EPHA6: variants seen among roughly 807,000 people sequenced by gnomAD.
The protein encoded by EPHA6 is ephrin type-A receptor 6.
Under a neutral mutation model 112.0 loss-of-function variants are expected in EPHA6, and 50 were observed. That is an observed-to-expected ratio of 0.45 (90% CI 0.36 to 0.56). The LOEUF (loss-of-function observed/expected upper bound fraction) is 0.56, where lower values mean the gene tolerates loss of function less well. EPHA6 is among the 20% of genes least tolerant of loss of function. The pLI is 0.00. For synonymous variants in EPHA6, 529 were observed against 490.7 expected, an observed-to-expected ratio of 1.08 and a Z score of -1.03; for missense variants, 1,280 against 1,417.4, an observed-to-expected ratio of 0.90 and a Z score of 1.56.
rs1230432003 is a variant in EPHA6, at chr3:97,749,447, T to C, written c.*746T>C. Among the ~76,000 whole-genome samples the C allele has an allele frequency of 6.6e-6, 1 of 152,154 alleles. No individual in the cohort carries two copies. Among genetic ancestry groups the C allele is most frequent in the Non-Finnish European group, 1.5e-5 (1 of 68,024 alleles). Reference sequence around the variant, plus strand: ...TCACCTCTAATTTTATTTATTTATTTATTTATTTTTACTAACCGTAGTATA... The same window carrying C: ...TCACCTCTAATTTTATTTATTTATTCATTTATTTTTACTAACCGTAGTATA... On this transcript the variant is annotated 3_prime_UTR_variant, in exon 18 of 18. Transcript: ENST00000389672.
rs2090463686 is a variant in EPHA6, at chr3:97,449,744, G to C, written c.1894+1014G>C. Among the ~76,000 whole-genome samples the C allele has an allele frequency of 4.6e-5, 7 of 152,120 alleles. No individual in the cohort carries two copies. The South Asian group carries it at 1.2e-3, about 27-fold the overall frequency. On this transcript the variant is annotated intron_variant, in intron 7 of 17. Coordinates refer to ENST00000389672, the MANE Select transcript of EPHA6 (RefSeq NM_001080448.3). Reference sequence around the variant, plus strand: ...GAAATGGAAGCGTGTTTTATTGAAAGGCCTATGCTGTTAGCTACTCCACCA... The same window carrying C: ...GAAATGGAAGCGTGTTTTATTGAAACGCCTATGCTGTTAGCTACTCCACCA...
At chr3:97,163,145 G>T (rs908478717) in intron 3 of EPHA6, among the ~76,000 whole-genome samples, 1 of 151,946 alleles carries the variant, frequency 6.6e-6, no homozygotes, top group African/African-American at 2.4e-5. Flanking sequence ...ATGTCTTCTG[G>T]ACTCTCCCAT....
rs116340124 is a variant in EPHA6, at chr3:96,944,225, A to T, written c.451-43105A>T. On this transcript the variant is annotated intron_variant, in intron 2 of 17. Coordinates refer to ENST00000389672, the MANE Select transcript of EPHA6 (RefSeq NM_001080448.3). Reference sequence around the variant, plus strand: ...TAACACTCACATTGTCTACTTTAAAACTTAATGTTAAACCCTCATCTTACA... The same window carrying T: ...TAACACTCACATTGTCTACTTTAAATCTTAATGTTAAACCCTCATCTTACA... 5.3e-3 allele frequency among the ~76,000 whole-genome samples: 803 copies of T among 152,250 alleles called. 7 individuals carry two copies. Among genetic ancestry groups the T allele is most frequent in the African/African-American group, 0.019 (784 of 41,552 alleles).
intron 5 of EPHA6, among the ~76,000 whole-genome samples, chr3:97,339,765 T>C (rs1365091848): frequency 1.3e-5 from 2 of 152,174 alleles, no homozygotes; most frequent in African/African-American, 4.8e-5. Context: ...AAATAGAAGT[T>C]TGCAGTAGCT....
At chr3:96,834,038 C>A (rs1177681621) in intron 1 of EPHA6, among the ~76,000 whole-genome samples, 1 of 151,942 alleles carries the variant, frequency 6.6e-6, no homozygotes, top group African/African-American at 2.4e-5. Flanking sequence ...ATCAATTATA[C>A]ATTTGTATAA....
intron 3 of EPHA6, among the ~76,000 whole-genome samples, chr3:97,119,831 T>C (rs899691407): frequency 1.3e-5 from 2 of 152,016 alleles, no homozygotes; most frequent in African/African-American, 4.8e-5. Context: ...CTTGTTTTTG[T>C]ACTCTTCCTC....
chr3:97,398,306 A>G (rs938832458), intron 5 of EPHA6, among the ~76,000 whole-genome samples: 1 of 151,508 alleles, frequency 6.6e-6, no homozygotes, highest in African/African-American at 2.4e-5. Flanking sequence ...TAATGAATTG[A>G]TATGTTTAAA....
chr3:97,350,553 G>A (rs2083757429), intron 5 of EPHA6, among the ~76,000 whole-genome samples: 1 of 152,128 alleles, frequency 6.6e-6, no homozygotes, highest in Non-Finnish European at 1.5e-5. Flanking sequence ...AGTATTTTGT[G>A]TAGAGCAGAT....
chr3:97,633,096 G>A lies in EPHA6; in HGVS notation c.2575-4777G>A, dbSNP rs138711899. ...GATTGGGTTACCACATAGACAATGC[G>A]ACATGTCATTTACTGCTCAGATCTG... On this transcript the variant is annotated intron_variant, in intron 13 of 17. Coordinates refer to ENST00000389672, the MANE Select transcript of EPHA6 (RefSeq NM_001080448.3). 2.3e-3 allele frequency among the ~76,000 whole-genome samples: 348 copies of A among 152,162 alleles called. 3 individuals are homozygous for A. Among genetic ancestry groups the A allele is most frequent in the African/African-American group, 7.1e-3 (296 of 41,528 alleles).
At chr3:97,510,768 C>T (rs2092349634) in intron 10 of EPHA6, among the ~76,000 whole-genome samples, 1 of 152,216 alleles carries the variant, frequency 6.6e-6, no homozygotes, top group Non-Finnish European at 1.5e-5. Context: ...ATGTTTAAGT[C>T]TGCTGAAGCT....
chr3:97,736,575 C>A (rs1050205686), intron 16 of EPHA6, among the ~76,000 whole-genome samples: 16 of 150,558 alleles, frequency 1.1e-4, no homozygotes, highest in African/African-American at 3.9e-4. Context: ...GCAAGCCAGA[C>A]AGGGGCAATT....
At chr3:97,419,918 C>A (rs988337804) in intron 6 of EPHA6, among the ~76,000 whole-genome samples, 3 of 151,860 alleles carry the variant, frequency 2.0e-5, no homozygotes, top group African/African-American at 7.3e-5. Flanking sequence ...GAAATCAACA[C>A]ATGAAATAAC....
chr3:96,867,550 AT>A (rs1409913856), intron 2 of EPHA6, among the ~76,000 whole-genome samples: 1 of 151,848 alleles, frequency 6.6e-6, no homozygotes, highest in Non-Finnish European at 1.5e-5. Flanking sequence ...CTGAGCTAAA[AT>A]AAAAGGGTGG....
intron 3 of EPHA6, among the ~76,000 whole-genome samples, chr3:97,083,368 T>C (rs925211644): frequency 6.6e-6 from 1 of 152,154 alleles, no homozygotes; most frequent in South Asian, 2.1e-4. Flanking sequence ...TTGCTATTAA[T>C]AATTGAAGAT....
At chr3:97,245,623 G>T (rs77409699) in intron 5 of EPHA6, among the ~76,000 whole-genome samples, 1 of 152,012 alleles carries the variant, frequency 6.6e-6, no homozygotes, top group Non-Finnish European at 1.5e-5. Context: ...ATTTCAAAAG[G>T]ATGCATTCTG....
chr3:97,530,118 T>G (rs1428016449), intron 10 of EPHA6, among the ~76,000 whole-genome samples: 1 of 152,036 alleles, frequency 6.6e-6, no homozygotes, highest in African/African-American at 2.4e-5. Context: ...TAAATATTTG[T>G]TTTGTTCTGG....
At chr3:97,624,800 A>C (rs2107514702) in intron 13 of EPHA6, among the ~76,000 whole-genome samples, 1 of 151,504 alleles carries the variant, frequency 6.6e-6, no homozygotes, top group East Asian at 1.9e-4. Flanking sequence ...TGTTCCTAGG[A>C]ATTTTTCCAT....
chr3:97,383,133 C>T (rs143790701), intron 5 of EPHA6, among the ~76,000 whole-genome samples: 4 of 152,076 alleles, frequency 2.6e-5, no homozygotes, highest in African/African-American at 9.6e-5. Flanking sequence ...TATTGAAAGA[C>T]TAATTAGGAC....
chr3:97,535,404 T>C (rs1405665729), intron 11 of EPHA6, among the ~76,000 whole-genome samples: 1 of 152,098 alleles, frequency 6.6e-6, no homozygotes, highest in East Asian at 1.9e-4. Flanking sequence ...ACAATCACCA[T>C]TGTAGCATTA....
Sources: gnomAD v4.1 joint callset for allele counts (sites outside exome capture counted in the v4.1 genomes callset) on GRCh38, gnomAD v4.1.1 for gene constraint, MANE v1.5 for transcripts, NCBI Gene and HGNC (gene_info 2026-07-23, HGNC 2026-07-21) for gene names.